The following HDAC4 variants were observed in gnomAD, a reference collection of about 807,000 sequenced individuals.
HDAC4 encodes the protein histone deacetylase A.
In HDAC4, 16 loss-of-function variants were observed where a neutral mutation model predicts 135.1. The observed-to-expected ratio is 0.12, with a 90% CI of 0.08 to 0.18. The LOEUF (loss-of-function observed/expected upper bound fraction) is 0.18. HDAC4 is among the 10% of genes least tolerant of loss of function. The pLI, the probability that HDAC4 is intolerant of heterozygous loss-of-function variation, is 1.00. For missense variants in HDAC4, 1,143 were observed against 1,511.8 expected (o/e 0.76, Z 4.05); for synonymous variants, 685 against 653.4 (o/e 1.05, Z -0.74).
intron 22 of HDAC4, among the ~76,000 whole-genome samples, chr2:239,070,598 C>T (rs1192374354): frequency 4.6e-5 from 7 of 152,218 alleles, no homozygotes; most frequent in Admixed American, 2.0e-4. Flanking sequence ...CCTTCACTCC[C>T]TCTGTGGGTG....
At chr2:239,147,990 G>T (rs1243830762) in intron 7 of HDAC4, among the ~76,000 whole-genome samples, 1 of 152,234 alleles carries the variant, frequency 6.6e-6, no homozygotes, top group Non-Finnish European at 1.5e-5. Context: ...ACTCTTAGGG[G>T]CCGGGTTTAC....
rs972847053 is a variant in HDAC4 at position 239,306,207 on chromosome 2, A to T, written c.22+46471T>A. Among the ~76,000 whole-genome samples, 2 of 152,162 alleles carry T rather than the reference A, an allele frequency of 1.3e-5. No individual in the cohort carries two copies. Among genetic ancestry groups the T allele is most frequent in the Non-Finnish European group, 2.9e-5 (2 of 68,028 alleles). ...GAAGTCATTTTCCTGAATAGATCTGACTTCCACTTATTTTCCTATCATTTC... is the reference window on the plus strand; with the variant it reads ...GAAGTCATTTTCCTGAATAGATCTGTCTTCCACTTATTTTCCTATCATTTC... On this transcript the variant is annotated intron_variant, in intron 2 of 26. Transcript: ENST00000543185. This position sits in a 1 kb window ranked among gnomAD's most constrained non-coding sequence, Gnocchi z 4.5.
At chr2:239,253,144 A>G (rs2048876344) in intron 2 of HDAC4, among the ~76,000 whole-genome samples, 1 of 152,252 alleles carries the variant, frequency 6.6e-6, no homozygotes, top group African/African-American at 2.4e-5. Flanking sequence ...TCCACTTCCT[A>G]TCACTCAACG....
chr2:239,274,057 G>GC (rs2050210155), intron 2 of HDAC4, among the ~76,000 whole-genome samples: 3 of 152,190 alleles, frequency 2.0e-5, no homozygotes, highest in Non-Finnish European at 2.9e-5. Flanking sequence ...GGCAGGCCTG[G>GC]CCCTGCTCAG....
At chr2:239,149,038 G>A (rs2152927911) in intron 7 of HDAC4, among the ~76,000 whole-genome samples, 1 of 152,296 alleles carries the variant, frequency 6.6e-6, no homozygotes. Flanking sequence ...AGTCAGGGAC[G>A]GCCGTTCTCC....
chr2:239,140,767 A>C, intron 8 of HDAC4: 1 of 299,466 alleles, frequency 3.3e-6, no homozygotes, highest in Non-Finnish European at 7.1e-6. Flanking sequence ...TGTTTTCCCC[A>C]AGCAGCCCCT....
At chr2:239,382,013 A>C (rs1297843890) in intron 1 of HDAC4, among the ~76,000 whole-genome samples, 1 of 152,202 alleles carries the variant, frequency 6.6e-6, no homozygotes, top group East Asian at 1.9e-4. Context: ...CAGGCCCCCA[A>C]AGCCAACAGT....
intron 2 of HDAC4, among the ~76,000 whole-genome samples, chr2:239,319,670 A>G (rs1178683638): frequency 1.3e-5 from 2 of 152,370 alleles, no homozygotes; most frequent in African/African-American, 2.4e-5. Flanking sequence ...GAGCAGCCAC[A>G]TCTGAACATG....
At chr2:239,231,349 C>G (rs934808304) in intron 3 of HDAC4, among the ~76,000 whole-genome samples, 2 of 152,184 alleles carry the variant, frequency 1.3e-5, no homozygotes, top group African/African-American at 4.8e-5. Context: ...TGTCTTTCTC[C>G]CCAGTAGCAC....
intron 24 of HDAC4, among the ~76,000 whole-genome samples, chr2:239,062,880 C>T (rs547513818): frequency 6.6e-6 from 1 of 152,342 alleles, no homozygotes; most frequent in Admixed American, 6.5e-5. Flanking sequence ...AGGGCGTGTC[C>T]TGGTACCTGC....
chr2:239,336,751 TACG>T (rs1691966152), intron 2 of HDAC4, among the ~76,000 whole-genome samples: 1 of 152,234 alleles, frequency 6.6e-6, no homozygotes, highest in East Asian at 1.9e-4. Context: ...CCTACCTTAC[TACG>T]GTATGTTAGT....
rs1269535254 is a variant in HDAC4 at position 239,167,516 on chromosome 2, T to G, written c.491-3593A>C. On this transcript the variant is annotated intron_variant, in intron 5 of 26. Coordinates refer to ENST00000543185, the MANE Select transcript of HDAC4 (RefSeq NM_001378414.1). This position sits in a 1 kb window ranked among gnomAD's most constrained non-coding sequence, Gnocchi z 4.1. ...ACGAGGAAGGTAAGTCTTCGATTCATGACCTTTCTAACCACCAAGGAATCT... is the reference window on the plus strand; with the variant it reads ...ACGAGGAAGGTAAGTCTTCGATTCAGGACCTTTCTAACCACCAAGGAATCT... 6.6e-6 allele frequency among the ~76,000 whole-genome samples: 1 copy of G among 152,148 alleles called. No individual in the cohort carries two copies. Among genetic ancestry groups the G allele is most frequent in the African/African-American group, 2.4e-5 (1 of 41,438 alleles).
intron 24 of HDAC4, among the ~76,000 whole-genome samples, chr2:239,065,820 A>G (rs1459699608): frequency 6.6e-6 from 1 of 152,214 alleles, no homozygotes; most frequent in Non-Finnish European, 1.5e-5. Flanking sequence ...CACCCAGCGC[A>G]GGCAGCCAGG....
intron 9 of HDAC4, among the ~76,000 whole-genome samples, chr2:239,137,600 C>A (rs995416856): frequency 6.6e-6 from 1 of 152,226 alleles, no homozygotes; most frequent in African/African-American, 2.4e-5. Flanking sequence ...AAAGGCAGTG[C>A]TGAGAGCCAG....
chr2:239,174,935 A>T (rs2043661988), intron 5 of HDAC4, among the ~76,000 whole-genome samples: 1 of 152,220 alleles, frequency 6.6e-6, no homozygotes, highest in East Asian at 1.9e-4. Flanking sequence ...AGCAGGCAAA[A>T]TTAATCTTCC....
In HDAC4 at chr2:239,151,575, GGAGCCCAGGACCTTTGACT is replaced by G. The variant is rs572076073; in HGVS notation, c.733+5058_733+5076del. Among the ~76,000 whole-genome samples the G allele has an allele frequency of 8.5e-4, 130 of 152,312 alleles. 1 individual carries two copies. Among genetic ancestry groups the G allele is most frequent in the African/African-American group, 3.1e-3 (128 of 41,570 alleles). On this transcript the variant is annotated intron_variant, in intron 7 of 26. Transcript: ENST00000543185. ...CCTGACCATGGAGGCAAGTGCAGAG[GGAGCCCAGGACCTTTGACT>G]GACTGCCCAGATCCATGATCCATAC...
chr2:239,090,986 G>A (rs1028095563), intron 17 of HDAC4, among the ~76,000 whole-genome samples: 4 of 152,252 alleles, frequency 2.6e-5, no homozygotes, highest in East Asian at 1.9e-4. Flanking sequence ...CCGTGTGGGC[G>A]GGTGAGGAGA....
chr2:239,384,884 G>A (rs958316572), intron 1 of HDAC4, among the ~76,000 whole-genome samples: 2 of 152,192 alleles, frequency 1.3e-5, no homozygotes, highest in African/African-American at 4.8e-5. Flanking sequence ...CCAGGAAGAT[G>A]AGACACAGGC....
rs111752843 is a variant in HDAC4 at position 239,120,195 on chromosome 2, A to AT, written c.1534-4886dup. Among the ~76,000 whole-genome samples, 803 of 152,300 alleles carry AT rather than the reference A, an allele frequency of 5.3e-3. 7 individuals are homozygous for AT. The highest frequency in any genetic ancestry group is 0.018 in the African/African-American group (744 of 41,574). ...TTCGAGTCTGGGATTTGGGAGACAGATCAGAACTGGAGCAGTACGCAGGTG... is the reference window on the plus strand; with the variant it reads ...TTCGAGTCTGGGATTTGGGAGACAGATTCAGAACTGGAGCAGTACGCAGGTG... On this transcript the variant is annotated intron_variant, in intron 12 of 26. Transcript: ENST00000543185.
Sources: allele counts gnomAD v4.1 joint callset (sites outside exome capture counted in the v4.1 genomes callset), GRCh38; gene constraint gnomAD v4.1.1; non-coding constraint Gnocchi (gnomAD v3.1); transcripts MANE v1.5; gene names NCBI Gene and HGNC (gene_info 2026-07-23, HGNC 2026-07-21).